DCX: variants seen among roughly 807,000 people sequenced by gnomAD.
The protein encoded by DCX is doublecortin, also known as neuronal migration protein doublecortin.
In DCX, 4 loss-of-function variants were observed where a neutral mutation model predicts 20.9. That is an observed-to-expected ratio of 0.19 (90% confidence interval 0.09 to 0.44). The LOEUF is 0.44. DCX is among the 20% of genes least tolerant of loss of function. DCX has a pLI of 0.99. For synonymous variants in DCX, 103 were observed against 111.4 expected, an observed-to-expected ratio of 0.92 and a Z score of 0.47; for missense variants, 133 against 296.9, an observed-to-expected ratio of 0.45 and a Z score of 4.06.
At chrX:111,305,722 A>G (rs1373960998) in intron 6 of DCX, among the ~76,000 whole-genome samples, 1 of 110,038 alleles carries the variant, frequency 9.1e-6, no homozygotes, top group Non-Finnish European at 1.9e-5. Context: ...AACTAGATGA[A>G]CTAGTAATTA....
intron 3 of DCX, among the ~76,000 whole-genome samples, chrX:111,355,367 T>G: frequency 9.0e-6 from 1 of 111,412 alleles, no homozygotes; most frequent in Middle Eastern, 4.7e-3. Context: ...AATCATCATT[T>G]TGTGGTATTT....
intron 3 of DCX, among the ~76,000 whole-genome samples, chrX:111,358,098 G>T (rs1411644005): frequency 8.9e-6 from 1 of 111,986 alleles, no homozygotes; most frequent in Non-Finnish European, 1.9e-5. Context: ...AAAGTGCTGG[G>T]ATTCCAGGTG....
intron 3 of DCX, among the ~76,000 whole-genome samples, chrX:111,390,684 C>T (rs890221042): frequency 5.4e-5 from 6 of 111,187 alleles, no homozygotes; most frequent in Non-Finnish European, 1.1e-4. Flanking sequence ...CATATCTGAT[C>T]ATATAATTCC....
intron 3 of DCX, among the ~76,000 whole-genome samples, chrX:111,375,459 A>C (rs1255019171): frequency 9.0e-6 from 1 of 111,372 alleles, no homozygotes; most frequent in South Asian, 3.8e-4. Flanking sequence ...GGAGCTTTCC[A>C]TGAGTAGTCT....
At chrX:111,406,319 G>A (rs1383507768) in intron 2 of DCX, among the ~76,000 whole-genome samples, 1 of 112,096 alleles carries the variant, frequency 8.9e-6, no homozygotes. Context: ...AGGCAGCCGG[G>A]TTTGGAAACC....
In DCX at chrX:111,296,348, C is replaced by T. The variant is rs912653236; in HGVS notation, c.*5339G>A. The T allele has an allele frequency of 3.6e-5, 4 of 111,781 alleles. No homozygotes were observed. The highest frequency in any genetic ancestry group is 3.8e-4 in the South Asian group (1 of 2,657). The allele number at this position is 111,781 out of a possible 1,213,427, so 9.2% of individuals were successfully genotyped here. ...CCTTCTGATCAGGAGCAGAAAGATG[C>T]CTTAATTACCAATTGGAATTCTATA... On this transcript the variant is annotated 3_prime_UTR_variant, in exon 7 of 7. Coordinates refer to ENST00000636035, the MANE Select transcript of DCX (RefSeq NM_001195553.2).
At chrX:111,341,252 A>G (rs1200683587) in intron 3 of DCX, among the ~76,000 whole-genome samples, 1 of 109,248 alleles carries the variant, frequency 9.2e-6, no homozygotes, top group Admixed American at 9.9e-5. Flanking sequence ...AGCCGACTCG[A>G]CCAAGCAGAA....
intron 5 of DCX, among the ~76,000 whole-genome samples, chrX:111,324,334 C>T (rs1412316176): frequency 9.0e-6 from 1 of 111,728 alleles, no homozygotes; most frequent in African/African-American, 3.3e-5. Context: ...GAATTCCTCC[C>T]TTAGCACCTT....
At chrX:111,354,667 G>T (rs1293806369) in intron 3 of DCX, among the ~76,000 whole-genome samples, 1 of 112,419 alleles carries the variant, frequency 8.9e-6, no homozygotes, top group Non-Finnish European at 1.9e-5. Context: ...ATGTGTACAG[G>T]AAGACAGAAA....
intron 5 of DCX, among the ~76,000 whole-genome samples, chrX:111,316,589 A>G (rs940049902): frequency 4.5e-5 from 5 of 111,756 alleles, no homozygotes; most frequent in Non-Finnish European, 7.5e-5. Flanking sequence ...CAATCAGTCA[A>G]GACAAGTAAA....
chrX:111,390,384 C>T (rs150895670), intron 3 of DCX, among the ~76,000 whole-genome samples: 26 of 111,912 alleles, frequency 2.3e-4, no homozygotes, highest in Middle Eastern at 4.6e-3. Context: ...CTCTGACCTA[C>T]GGAACTGTGA....
intron 4 of DCX, among the ~76,000 whole-genome samples, chrX:111,331,353 GA>G (rs1477616754): frequency 8.9e-6 from 1 of 111,908 alleles, no homozygotes; most frequent in African/African-American, 3.3e-5. Context: ...CTATGTCTCA[GA>G]ATAGCACCTA....
chrX:111,389,779 C>T (rs911476732), intron 3 of DCX, among the ~76,000 whole-genome samples: 2 of 111,424 alleles, frequency 1.8e-5, no homozygotes, highest in Non-Finnish European at 3.8e-5. Context: ...GTGGCCCCAC[C>T]ATCCACCCAC....
chrX:111,301,836 T>C lies in DCX; in HGVS notation c.1045-93A>G, dbSNP rs772421201. ...TTAGTTTTTTTTATTAATACTTTAA[T>C]TTTTACAACATAATAATTATAGATT... is the stretch of plus-strand genomic sequence containing the variant. On this transcript the variant is annotated intron_variant, in intron 6 of 6. Coordinates refer to ENST00000636035, the MANE Select transcript of DCX (RefSeq NM_001195553.2). 4.0e-3 allele frequency: 3,125 copies of C among 788,032 alleles called. 8 individuals are homozygous for C. The highest frequency in any genetic ancestry group is 5.2e-3 in the Non-Finnish European group (2,732 of 529,229). 64.9% of individuals were successfully genotyped at this position (788,032 alleles called of 1,213,427 possible).
chrX:111,299,158 G>C lies in DCX; in HGVS notation c.*2529C>G, dbSNP rs2095028206. Reference sequence around the variant, plus strand: ...ACACAAAAAAAATTGCCTTGAAAGTGGGCCAATTTAAAATGCAATTAATTA... The same window carrying C: ...ACACAAAAAAAATTGCCTTGAAAGTCGGCCAATTTAAAATGCAATTAATTA... On this transcript the variant is annotated 3_prime_UTR_variant, in exon 7 of 7. Coordinates refer to ENST00000636035, the MANE Select transcript of DCX (RefSeq NM_001195553.2). 1 of 111,027 alleles carries C rather than the reference G, an allele frequency of 9.0e-6. No homozygotes were observed. The highest frequency in any genetic ancestry group is 1.9e-5 in the Non-Finnish European group (1 of 53,018). The allele number at this position is 111,027 out of a possible 1,213,427, so 9.1% of individuals were successfully genotyped here.
chrX:111,400,535 C>A (rs1443556891), intron 3 of DCX, among the ~76,000 whole-genome samples: 1 of 112,519 alleles, frequency 8.9e-6, no homozygotes, highest in African/African-American at 3.2e-5. Flanking sequence ...TATCTGACTT[C>A]TTTCAGAGCA....
At chrX:111,371,930 G>C (rs868531286) in intron 3 of DCX, among the ~76,000 whole-genome samples, 2 of 52,278 alleles carry the variant, frequency 3.8e-5, no homozygotes, top group African/African-American at 1.0e-4. Flanking sequence ...ATAGATATAT[G>C]TGTACACACA....
At position 111,301,511 on chromosome X, in the gene DCX, A is replaced by G; in HGVS notation, c.*176T>C. The G allele has an allele frequency of 1.9e-6, 1 of 521,678 alleles. No individual in the cohort carries two copies. The highest frequency in any genetic ancestry group is 3.5e-6 in the Non-Finnish European group (1 of 289,696). 43.0% of individuals were successfully genotyped at this position (521,678 alleles called of 1,213,427 possible). ...TGGTAACTGTGGATCAGTGGCCCAG[A>G]GGAGAAATCACAGGAAAATAAACCC... On this transcript the variant is annotated 3_prime_UTR_variant, in exon 7 of 7. Coordinates refer to ENST00000636035, the MANE Select transcript of DCX (RefSeq NM_001195553.2).
At position 111,294,573 on chromosome X, in the gene DCX, T is replaced by A. The variant is rs2095015774; in HGVS notation, c.*7114A>T. The A allele has an allele frequency of 1.8e-5, 2 of 111,838 alleles. No homozygotes were observed. Among genetic ancestry groups the A allele is most frequent in the African/African-American group, 6.5e-5 (2 of 30,679 alleles). 9.2% of individuals were successfully genotyped at this position (111,838 alleles called of 1,213,427 possible). A position where few individuals can be genotyped will look rare whatever the true frequency, so the allele number is the denominator to read the frequency against. On this transcript the variant is annotated 3_prime_UTR_variant, in exon 7 of 7. Transcript: ENST00000636035. ...TGATCAATAACTGCTGAGAGATGGT[T>A]GAGAAATGCCTTTTCCCCACATTTT...
Sources: allele counts gnomAD v4.1 joint callset (sites outside exome capture counted in the v4.1 genomes callset), GRCh38; gene constraint gnomAD v4.1.1; transcripts MANE v1.5; gene names NCBI Gene and HGNC (gene_info 2026-07-23, HGNC 2026-07-21).